GALNT17: variants seen among roughly 807,000 people sequenced by gnomAD.
GALNT17 encodes UDP-GalNAc:polypeptide N-acetylgalactosaminyltransferase-like 3.
GALNT17 carries 29 observed loss-of-function variants against 63.7 expected under a neutral mutation model. That is an observed-to-expected ratio of 0.46 (90% CI 0.34 to 0.62). The LOEUF (loss-of-function observed/expected upper bound fraction) is 0.62. Ranked by LOEUF, GALNT17 falls within the 20% of genes least tolerant of loss-of-function variation. The pLI, the probability that GALNT17 is intolerant of heterozygous loss-of-function variation, is 0.01. For missense variants in GALNT17, 603 were observed against 799.6 expected (o/e 0.75, Z 2.97); for synonymous variants, 305 against 318.3 (o/e 0.96, Z 0.45).
chr7:71,578,118 C>T lies in GALNT17; in HGVS notation c.1080+6716C>T, dbSNP rs144671620. On this transcript the variant is annotated intron_variant, in intron 6 of 10. Transcript: ENST00000333538. ...GTGGCGCAGTCTCGGCTCACTGCAA[C>T]CTCTGCCTCCTGGGTTCCAGCGATT... 8.3e-3 allele frequency among the ~76,000 whole-genome samples: 1,265 copies of T among 151,704 alleles called. 11 individuals are homozygous for T. The highest frequency in any genetic ancestry group is 0.028 in the African/African-American group (1,170 of 41,328).
chr7:71,704,916 A>G (rs1791702174), intron 9 of GALNT17, among the ~76,000 whole-genome samples: 1 of 152,236 alleles, frequency 6.6e-6, no homozygotes, highest in South Asian at 2.1e-4. Context: ...AAATTCTTAG[A>G]AAACACAGGG....
chr7:71,160,647 C>T (rs901234539), intron 1 of GALNT17, among the ~76,000 whole-genome samples: 3 of 151,872 alleles, frequency 2.0e-5, no homozygotes, highest in Admixed American at 6.6e-5. Context: ...TTAGTAGTGA[C>T]GGGGTTTTTC....
intron 1 of GALNT17, among the ~76,000 whole-genome samples, chr7:71,160,244 T>C (rs1788317359): frequency 6.6e-6 from 1 of 152,242 alleles, no homozygotes. Context: ...ATCATACTCA[T>C]GTATAAACAC....
chr7:71,460,917 A>G (rs950015180), intron 5 of GALNT17, among the ~76,000 whole-genome samples: 8 of 152,114 alleles, frequency 5.3e-5, no homozygotes, highest in Non-Finnish European at 1.0e-4. Context: ...CTTTACTGCA[A>G]CCTATTTTTA....
rs1488361853 is a variant in GALNT17, at chr7:71,385,582, G to A, written c.423-2653G>A. Among the ~76,000 whole-genome samples, 8 of 152,110 alleles carry A rather than the reference G, an allele frequency of 5.3e-5. No homozygotes were observed. The South Asian group carries it at 6.2e-4, about 12-fold the overall frequency. On this transcript the variant is annotated intron_variant, in intron 2 of 10. Transcript: ENST00000333538. ...CCACATGAGCTTTATGCACATTCCCGCCAGCCTGATTAACCCCAGGGGAGG... is the reference window on the plus strand; with the variant it reads ...CCACATGAGCTTTATGCACATTCCCACCAGCCTGATTAACCCCAGGGGAGG...
intron 6 of GALNT17, among the ~76,000 whole-genome samples, chr7:71,597,039 G>A (rs1022474329): frequency 2.2e-4 from 34 of 151,946 alleles, no homozygotes; most frequent in African/African-American, 5.6e-4. Context: ...AAAGGGTTTC[G>A]TTTGTTTGTT....
Position 71,674,532 on chromosome 7 carries a change from T to G in GALNT17, c.1405-2679T>G, listed in dbSNP as rs566371834. 1.0e-3 allele frequency among the ~76,000 whole-genome samples: 159 copies of G among 152,044 alleles called. 3 individuals are homozygous for G. Among genetic ancestry groups the G allele is most frequent in the Non-Finnish European group, 3.4e-4 (23 of 67,988 alleles). On this transcript the variant is annotated intron_variant, in intron 8 of 10. Coordinates refer to ENST00000333538, the MANE Select transcript of GALNT17 (RefSeq NM_022479.3). ...GGCTCTAGACAACTTTTTCTTTTTT[T>G]TGAGACACAGCCTTGCTCTGTCACC...
chr7:71,586,592 A>C (rs954338147), intron 6 of GALNT17, among the ~76,000 whole-genome samples: 5 of 152,134 alleles, frequency 3.3e-5, no homozygotes, highest in Non-Finnish European at 5.9e-5. Context: ...ACTGTCAATC[A>C]GGTATCCAAA....
chr7:71,512,133 G>T (rs1788367198), intron 5 of GALNT17, among the ~76,000 whole-genome samples: 1 of 150,462 alleles, frequency 6.6e-6, no homozygotes, highest in Non-Finnish European at 1.5e-5. Context: ...CTCCCAAGTA[G>T]CAGGGACTAC....
chr7:71,432,610 A>G (rs1366021465), intron 5 of GALNT17, among the ~76,000 whole-genome samples: 3 of 152,200 alleles, frequency 2.0e-5, no homozygotes, highest in Non-Finnish European at 4.4e-5. Flanking sequence ...CCTTTACTAC[A>G]TAATGAAGAT....
At chr7:71,600,305 A>G (rs1001771858) in intron 6 of GALNT17, among the ~76,000 whole-genome samples, 4 of 152,126 alleles carry the variant, frequency 2.6e-5, no homozygotes, top group African/African-American at 9.7e-5. Flanking sequence ...ATAATAAAAA[A>G]AAAATAAGAA....
rs10674037 is a variant in GALNT17 at position 71,409,017 on chromosome 7, A to AACACACACACAC, written c.590-6848_590-6837dup. On this transcript the variant is annotated intron_variant, in intron 3 of 10. Transcript: ENST00000333538. ...ACATACATATATATGCACATACACA[A>AACACACACACAC]ACACACACACACACACACACACACA... is the stretch of plus-strand genomic sequence containing the variant. 8.6e-3 allele frequency among the ~76,000 whole-genome samples: 1,252 copies of AACACACACACAC among 144,920 alleles called. 10 individuals carry two copies. The highest frequency in any genetic ancestry group is 8.8e-3 in the South Asian group (39 of 4,446).
chr7:71,133,082 G>A, intron 1 of GALNT17, 42 bp downstream of exon 1: 1 of 1,470,270 alleles, frequency 6.8e-7, no homozygotes, highest in Non-Finnish European at 9.0e-7. Context: ...GACGCGGGCG[G>A]GCCGGGCACA....
At chr7:71,412,349 A>C (rs1583929611) in intron 3 of GALNT17, among the ~76,000 whole-genome samples, 1 of 147,884 alleles carries the variant, frequency 6.8e-6, no homozygotes, top group Non-Finnish European at 1.5e-5. Flanking sequence ...TGGAACTGTC[A>C]CCTTCTCTCC....
intron 9 of GALNT17, among the ~76,000 whole-genome samples, chr7:71,682,939 G>A (rs1012406848): frequency 2.0e-5 from 3 of 152,066 alleles, no homozygotes; most frequent in African/African-American, 7.2e-5. Flanking sequence ...CAGGCAGGAG[G>A]CAGACATCAA....
At chr7:71,622,355 A>G (rs1045472067) in intron 6 of GALNT17, among the ~76,000 whole-genome samples, 8 of 152,188 alleles carry the variant, frequency 5.3e-5, no homozygotes, top group African/African-American at 1.4e-4. Flanking sequence ...AAGTGCATCA[A>G]TTCAAACACT....
chr7:71,548,897 A>G (rs971156458), intron 5 of GALNT17, among the ~76,000 whole-genome samples: 1 of 152,192 alleles, frequency 6.6e-6, no homozygotes, highest in African/African-American at 2.4e-5. Context: ...GTCATTATCA[A>G]TGAATCAGCC....
intron 9 of GALNT17, among the ~76,000 whole-genome samples, chr7:71,706,131 T>C (rs1372014350): frequency 6.6e-6 from 1 of 152,180 alleles, no homozygotes; most frequent in Admixed American, 6.5e-5. Flanking sequence ...CTTCTAACTT[T>C]CTCAGAAAAG....
intron 5 of GALNT17, among the ~76,000 whole-genome samples, chr7:71,473,534 A>G (rs187596360): frequency 6.6e-6 from 1 of 152,300 alleles, no homozygotes; most frequent in Admixed American, 6.5e-5. Context: ...TGCCACAGTG[A>G]GTCTGTTTTC....
Sources: gnomAD v4.1 joint callset for allele counts (sites outside exome capture counted in the v4.1 genomes callset) on GRCh38, gnomAD v4.1.1 for gene constraint, MANE v1.5 for transcripts, NCBI Gene and HGNC (gene_info 2026-07-23, HGNC 2026-07-21) for gene names.